SNED1: variants seen among roughly 807,000 people sequenced by gnomAD.
The protein encoded by SNED1 is sushi, nidogen and EGF-like domain-containing protein 1.
In SNED1, 81 loss-of-function variants were observed where a neutral mutation model predicts 166.7. The observed-to-expected ratio is 0.49, with a 90% confidence interval of 0.41 to 0.58. SNED1 has a LOEUF of 0.58. Ranked by LOEUF, SNED1 falls within the 20% of genes least tolerant of loss-of-function variation. The pLI is 0.00. For missense variants in SNED1, 1,604 were observed against 2,000.2 expected (o/e 0.80, Z 3.78); for synonymous variants, 762 against 822.0 (o/e 0.93, Z 1.25).
rs373292701 is a variant in SNED1, at chr2:241,071,602, T to C, written c.3616T>C (p.Trp1206Arg). The change falls in exon 25 of 32, where the codon TGG becomes CGG. Residue 1206 changes from tryptophan (W) to arginine (R), a missense_variant. Physicochemically the swap from Trp to Arg is moderately radical, Grantham distance 101 (BLOSUM62 -3). Around this residue, in one of 2 missense-constraint regions of SNED1, gnomAD observed 367 missense variants for 379.4 expected, o/e 0.97. Transcript: ENST00000310397. Reference sequence around the variant, plus strand: ...CCCCAGGGATGGCGCTGACAGACGCTGGCACCAGGGAGGACACCACCCTCG... The same window carrying C: ...CCCCAGGGATGGCGCTGACAGACGCCGGCACCAGGGAGGACACCACCCTCG... ...TSPRDGADRR[W>R]HQGGHHPRVL... is the part of the protein sequence containing the mutation. The C allele has an allele frequency of 5.0e-6, 8 of 1,588,458 alleles. No homozygotes were observed. The highest frequency in any genetic ancestry group is 2.3e-5 in the East Asian group (1 of 44,234).
intron 1 of SNED1, among the ~76,000 whole-genome samples, chr2:241,024,566 C>A (rs1227581826): frequency 6.6e-6 from 1 of 151,678 alleles, no homozygotes; most frequent in Non-Finnish European, 1.5e-5. Flanking sequence ...CTTTTTTGTG[C>A]AAAATTTCCC....
At chr2:241,045,312 T>C (rs948618210) in intron 8 of SNED1, among the ~76,000 whole-genome samples, 3 of 152,184 alleles carry the variant, frequency 2.0e-5, no homozygotes, top group Admixed American at 6.5e-5. Flanking sequence ...GCTTCTAAAA[T>C]TTATATGGCA....
chr2:241,021,253 G>T (rs962374760), intron 1 of SNED1, among the ~76,000 whole-genome samples: 42 of 152,176 alleles, frequency 2.8e-4, no homozygotes, highest in Admixed American at 5.9e-4. Flanking sequence ...GAGGGTCCAG[G>T]CTCAGAGGCC....
chr2:241,051,936 C>G lies in SNED1; in HGVS notation c.1852+76C>G, dbSNP rs1022238425. ...AGCTGGGGCCCCTGATGCACCCTCC[C>G]TGCCAGCTGTGGGTCTGCTTCTCAT... is the stretch of plus-strand genomic sequence containing the variant. On this transcript the variant is annotated intron_variant, in intron 13 of 31. Coordinates refer to ENST00000310397, the MANE Select transcript of SNED1 (RefSeq NM_001080437.3). The surrounding 1 kb of genome is among the most constrained non-coding windows in gnomAD (Gnocchi z 4.7). 2 of 1,470,894 alleles carry G rather than the reference C, an allele frequency of 1.4e-6. No homozygotes were observed. The highest frequency in any genetic ancestry group is 2.8e-5 in the African/African-American group (2 of 71,648). 91.1% of individuals were successfully genotyped at this position (1,470,894 alleles called of 1,614,324 possible).
chr2:241,065,047 G>T, intron 20 of SNED1, 90 bp downstream of exon 20: 1 of 1,032,984 alleles, frequency 9.7e-7, no homozygotes, highest in South Asian at 1.6e-5. Context: ...AGAGCGTCTG[G>T]CCGCTGCTTG....
chr2:241,008,656 C>T (rs1375817537), intron 1 of SNED1, among the ~76,000 whole-genome samples: 1 of 152,244 alleles, frequency 6.6e-6, no homozygotes. Flanking sequence ...TTGTTCTTTG[C>T]AAAGCAGGGC....
At chr2:241,001,389 A>G (rs1000235587) in intron 1 of SNED1, among the ~76,000 whole-genome samples, 5 of 152,244 alleles carry the variant, frequency 3.3e-5, no homozygotes, top group African/African-American at 1.2e-4. Flanking sequence ...TCTGCCACAC[A>G]TGGAGTGGCC....
In SNED1 at chr2:240,999,539, G is replaced by C. The variant is rs1000165938; in HGVS notation, c.213+489G>C. ...CCAGAGCCAGGAGGCTGGACCCCTTGCCCAGGCGCTCAGGGCAGGGCCTGC... is the reference window on the plus strand; with the variant it reads ...CCAGAGCCAGGAGGCTGGACCCCTTCCCCAGGCGCTCAGGGCAGGGCCTGC... On this transcript the variant is annotated intron_variant, in intron 1 of 31. Coordinates refer to ENST00000310397, the MANE Select transcript of SNED1 (RefSeq NM_001080437.3). The surrounding 1 kb of genome is among the most constrained non-coding windows in gnomAD (Gnocchi z 5.8). 2.0e-5 allele frequency among the ~76,000 whole-genome samples: 3 copies of C among 152,220 alleles called. No individual in the cohort carries two copies. The highest frequency in any genetic ancestry group is 7.2e-5 in the African/African-American group (3 of 41,450).
Position 241,087,427 on chromosome 2 carries a change from G to A in SNED1, c.4157G>A (p.Cys1386Tyr). The A allele has an allele frequency of 6.2e-7, 1 of 1,604,220 alleles. No homozygotes were observed. Among genetic ancestry groups the A allele is most frequent in the Non-Finnish European group, 8.5e-7 (1 of 1,175,326 alleles). Reference protein sequence around the residue: ...KRVYRVHQDICFKESCESTSL... With the variant: ...KRVYRVHQDIYFKESCESTSL... ...GTCTACCGAGTTCACCAAGACATCT[G>A]CTTCAAAGAGAGCTGTGAAAGCACA... is the stretch of plus-strand genomic sequence containing the variant. Residue 1386 changes from cysteine (C) to tyrosine (Y), a missense_variant, in exon 30 of 32, where the codon TGC becomes TAC. Physicochemically the swap from Cys to Tyr is radical, Grantham distance 194. Around this residue, in one of 2 missense-constraint regions of SNED1, gnomAD observed 367 missense variants for 379.4 expected, o/e 0.97. Coordinates refer to ENST00000310397, the MANE Select transcript of SNED1 (RefSeq NM_001080437.3).
chr2:241,018,478 C>T lies in SNED1; in HGVS notation c.214-11806C>T, dbSNP rs959305726. 6.6e-6 allele frequency among the ~76,000 whole-genome samples: 1 copy of T among 152,174 alleles called. No homozygotes were observed. Among genetic ancestry groups the T allele is most frequent in the African/African-American group, 2.4e-5 (1 of 41,438 alleles). ...AGAACATTCGTTGTTCACTCAGCCC[C>T]CTGCACGTCCCGGGGTCTAAGGTGG... is the stretch of plus-strand genomic sequence containing the variant. On this transcript the variant is annotated intron_variant, in intron 1 of 31. Coordinates refer to ENST00000310397, the MANE Select transcript of SNED1 (RefSeq NM_001080437.3). This position sits in a 1 kb window ranked among gnomAD's most constrained non-coding sequence, Gnocchi z 5.4.
chr2:241,068,989 G>C lies in SNED1; in HGVS notation c.3273G>C (p.Glu1091Asp). 1 of 1,555,532 alleles carries C rather than the reference G, an allele frequency of 6.4e-7. No homozygotes were observed. Among genetic ancestry groups the C allele is most frequent in the Non-Finnish European group, 8.7e-7 (1 of 1,149,866 alleles). ...SGLRGEEHPT[E>D]SLATAPTHVW... is the part of the protein sequence containing the mutation. ...TCAGGGGAGAGGAGCACCCCACAGA[G>C]AGCCTGGCCACCGCGCCGACGCACG... Residue 1091 changes from glutamate (E) to aspartate (D), a missense_variant, in exon 23 of 32, where the codon GAG becomes GAC. Transcript: ENST00000310397. This position sits in a 1 kb window ranked among gnomAD's most constrained non-coding sequence, Gnocchi z 5.3.
At position 241,012,269 on chromosome 2, in the gene SNED1, A is replaced by G. The variant is rs547485461; in HGVS notation, c.213+13219A>G. ...CCCAGAGGTACCACTTGTCACTTCTAACCCTTAGCTCTTTTTTCCAAAACA... is the reference window on the plus strand; with the variant it reads ...CCCAGAGGTACCACTTGTCACTTCTGACCCTTAGCTCTTTTTTCCAAAACA... On this transcript the variant is annotated intron_variant, in intron 1 of 31. Coordinates refer to ENST00000310397, the MANE Select transcript of SNED1 (RefSeq NM_001080437.3). 7.2e-5 allele frequency among the ~76,000 whole-genome samples: 11 copies of G among 152,326 alleles called. No homozygotes were observed. The East Asian group carries it at 1.4e-3, about 19-fold the overall frequency.
chr2:241,024,680 A>ATTTTATTTTATTTTAT (rs144866060), intron 1 of SNED1, among the ~76,000 whole-genome samples: 1 of 133,918 alleles, frequency 7.5e-6, no homozygotes, highest in Non-Finnish European at 1.6e-5. Context: ...ATTTTATTTT[A>ATTTTATTTTATTTTAT]TTTATTTTTG....
At chr2:241,052,311 T>C (rs1699892649) in intron 14 of SNED1, 44 bp from the exon 15 acceptor site, 3 of 1,526,820 alleles carry the variant, frequency 2.0e-6, no homozygotes, top group African/African-American at 1.4e-5. Flanking sequence ...GTCCCGAGCC[T>C]TCAGGGAAGA....
intron 24 of SNED1, chr2:241,071,360 G>A: frequency 1.7e-6 from 1 of 604,750 alleles, no homozygotes; most frequent in Non-Finnish European, 3.0e-6. Flanking sequence ...GGCTGCGCAT[G>A]GCTCCTCCTC....
At position 241,036,791 on chromosome 2, in the gene SNED1, G is replaced by T; in HGVS notation, c.807G>T (p.Thr269=). The part of the protein sequence containing the change: ...QVRVGGCGHT[T]SVCLALRPCL... ...TCCAGCCCCTCCCTATGTCTGCAGC[G>T]TCCGTGTGCCTGGCCCTGCGCCCCT... The change falls in exon 5 of 32, where the codon ACG becomes ACT. Residue 269 remains threonine (T), a splice_region_variant and synonymous_variant. Coordinates refer to ENST00000310397, the MANE Select transcript of SNED1 (RefSeq NM_001080437.3). 2 of 1,607,794 alleles carry T rather than the reference G, an allele frequency of 1.2e-6. No individual in the cohort carries two copies. The highest frequency in any genetic ancestry group is 2.2e-5 in the East Asian group (1 of 44,856).
At chr2:241,015,373 C>T (rs1031693495) in intron 1 of SNED1, among the ~76,000 whole-genome samples, 3 of 152,124 alleles carry the variant, frequency 2.0e-5, no homozygotes, top group Non-Finnish European at 4.4e-5. Context: ...TTCACACTAT[C>T]GTAAATAGTG....
At chr2:241,041,642 A>C (rs950746834) in intron 8 of SNED1, among the ~76,000 whole-genome samples, 2 of 152,092 alleles carry the variant, frequency 1.3e-5, no homozygotes, top group East Asian at 3.9e-4. Flanking sequence ...CTGAGATCGC[A>C]CCACTGCACT....
At chr2:241,003,917 C>T (rs1246454812) in intron 1 of SNED1, among the ~76,000 whole-genome samples, 1 of 152,272 alleles carries the variant, frequency 6.6e-6, no homozygotes, top group Non-Finnish European at 1.5e-5. Flanking sequence ...ATACTGCCCT[C>T]TGCCTTCTAA....
Sources: allele counts gnomAD v4.1 joint callset (sites outside exome capture counted in the v4.1 genomes callset), GRCh38; gene constraint gnomAD v4.1.1; regional missense constraint gnomAD v4.1.1; non-coding constraint Gnocchi (gnomAD v3.1); transcripts MANE v1.5; gene names NCBI Gene and HGNC (gene_info 2026-07-23, HGNC 2026-07-21).